The following SCFD1 variants were observed in gnomAD, a reference collection of about 807,000 sequenced individuals.
The protein encoded by SCFD1 is sec1 family domain-containing protein 1.
In SCFD1, 37 loss-of-function variants were observed where a neutral mutation model predicts 103.2. The observed-to-expected ratio is 0.36, with a 90% CI of 0.28 to 0.47. The LOEUF is 0.47. Ranked by LOEUF, SCFD1 falls within the 20% of genes least tolerant of loss-of-function variation. SCFD1 has a pLI of 1.00. For missense variants in SCFD1, 639 were observed against 761.2 expected (o/e 0.84, Z 1.89); for synonymous variants, 264 against 245.0 (o/e 1.08, Z -0.73).
rs532896178 is a variant in SCFD1, at chr14:30,721,697, GCTT to G, written c.1737-183_1737-181del. 17 of 567,484 alleles carry G rather than the reference GCTT, an allele frequency of 3.0e-5. No individual in the cohort carries two copies. In the African/African-American group the frequency reaches 3.4e-4, roughly 11 times the overall value. The allele number at this position is 567,484 out of a possible 1,614,324, so 35.2% of individuals were successfully genotyped here. ...TCTGAGATATCTCCCTTTTCTAGCT[GCTT>G]CTTAATGAAACCCAGTTCACTACCT... On this transcript the variant is annotated intron_variant, in intron 21 of 24. Transcript: ENST00000458591.
intron 16 of SCFD1, among the ~76,000 whole-genome samples, chr14:30,701,089 G>T (rs1566643161): frequency 6.6e-6 from 1 of 152,148 alleles, no homozygotes; most frequent in Non-Finnish European, 1.5e-5. Flanking sequence ...TTTAGAATGT[G>T]GCTGTTCTAA....
chr14:30,666,359 A>G (rs1887969142), intron 10 of SCFD1, among the ~76,000 whole-genome samples: 1 of 152,238 alleles, frequency 6.6e-6, no homozygotes, highest in South Asian at 2.1e-4. Flanking sequence ...CAATGAGAAC[A>G]AAGACACAAC....
At chr14:30,635,024 A>T (rs1884579633) in intron 4 of SCFD1, 1 of 454,260 alleles carries the variant, frequency 2.2e-6, no homozygotes, top group Non-Finnish European at 4.4e-6. Context: ...AGAAAAGTAG[A>T]TATTGGATAG....
intron 10 of SCFD1, among the ~76,000 whole-genome samples, chr14:30,662,502 T>G (rs1283066984): frequency 1.3e-5 from 2 of 151,136 alleles, no homozygotes; most frequent in African/African-American, 4.9e-5. Context: ...GTATTTTATT[T>G]CTCTTGTTGG....
intron 23 of SCFD1, among the ~76,000 whole-genome samples, chr14:30,730,791 T>G (rs1239928212): frequency 4.6e-5 from 7 of 152,356 alleles, no homozygotes; most frequent in South Asian, 2.1e-4. Context: ...TTTCTCCCAT[T>G]CTTTAGGTTG....
At chr14:30,716,663 G>A (rs764704611) in intron 20 of SCFD1, among the ~76,000 whole-genome samples, 6 of 152,216 alleles carry the variant, frequency 3.9e-5, no homozygotes, top group Non-Finnish European at 8.8e-5. Context: ...ACCCTGGTTT[G>A]AGTTTATCTA....
At chr14:30,716,955 C>T (rs933058911) in intron 20 of SCFD1, among the ~76,000 whole-genome samples, 2 of 152,068 alleles carry the variant, frequency 1.3e-5, no homozygotes, top group Non-Finnish European at 2.9e-5. Flanking sequence ...AAGTGGTATA[C>T]AATGAAGTAA....
rs1033923988 is a variant in SCFD1, at chr14:30,692,782, T to G, written c.1243-1991T>G. ...TCCCCTTCCATTCCTGACTTCACTCTGCAGATAACAGCTTTTCCCAAGCTA... is the reference window on the plus strand; with the variant it reads ...TCCCCTTCCATTCCTGACTTCACTCGGCAGATAACAGCTTTTCCCAAGCTA... On this transcript the variant is annotated intron_variant, in intron 14 of 24. Transcript: ENST00000458591. Among the ~76,000 whole-genome samples, 3 of 152,222 alleles carry G rather than the reference T, an allele frequency of 2.0e-5. No homozygotes were observed. The South Asian group carries it at 6.2e-4, about 31-fold the overall frequency.
At chr14:30,622,522 G>GCC in intron 1 of SCFD1, 123 bp downstream of exon 1, 2 of 1,415,038 alleles carry the variant, frequency 1.4e-6, no homozygotes, top group Non-Finnish European at 1.9e-6. Flanking sequence ...AACATCAAGA[G>GCC]CCCCTCCCCT....
chr14:30,702,401 C>T (rs377004442), intron 17 of SCFD1, 26 bp downstream of exon 17: 169 of 1,407,422 alleles, frequency 1.2e-4, no homozygotes, highest in Non-Finnish European at 1.5e-4. Context: ...TTCTTTAATT[C>T]CTGTCATTTA....
chr14:30,704,087 CAA>C (rs1461829260), intron 17 of SCFD1, among the ~76,000 whole-genome samples: 1 of 151,462 alleles, frequency 6.6e-6, no homozygotes. Flanking sequence ...TGCAACCTGA[CAA>C]GAGGTCAGTG....
intron 5 of SCFD1, 50 bp downstream of exon 5, chr14:30,638,297 A>G (rs1328846968): frequency 6.2e-7 from 1 of 1,610,404 alleles, no homozygotes; most frequent in East Asian, 2.2e-5. Context: ...AAAATTTAAC[A>G]CTGTTCTGAA....
chr14:30,720,816 A>G (rs893486794), intron 21 of SCFD1, among the ~76,000 whole-genome samples: 11 of 152,296 alleles, frequency 7.2e-5, no homozygotes, highest in South Asian at 2.1e-4. Flanking sequence ...TTTGGTGTCT[A>G]TGGAGGTTCC....
chr14:30,733,203 T>C (rs1893604983), intron 23 of SCFD1, among the ~76,000 whole-genome samples: 1 of 151,930 alleles, frequency 6.6e-6, no homozygotes, highest in Non-Finnish European at 1.5e-5. Flanking sequence ...AGAGATGGGG[T>C]TTCACCATGC....
At chr14:30,718,690 A>T (rs1566659433) in intron 20 of SCFD1, among the ~76,000 whole-genome samples, 2 of 152,240 alleles carry the variant, frequency 1.3e-5, no homozygotes, top group Non-Finnish European at 2.9e-5. Context: ...CATTTATTAA[A>T]TGTTTTCCTT....
At chr14:30,724,245 GTTTTTTT>G (rs58612669) in intron 23 of SCFD1, among the ~76,000 whole-genome samples, 31 of 69,676 alleles carry the variant, frequency 4.4e-4, no homozygotes, top group African/African-American at 1.9e-3. Context: ...TTTTTTATGG[GTTTTTTT>G]TTTTTTTTTT....
At chr14:30,681,861 G>C (rs1354843449) in intron 14 of SCFD1, among the ~76,000 whole-genome samples, 7 of 152,092 alleles carry the variant, frequency 4.6e-5, no homozygotes, top group Non-Finnish European at 1.0e-4. Context: ...GTTTCGTATA[G>C]CAACTTTCAT....
chr14:30,713,399 C>A (rs1475412228), intron 19 of SCFD1, among the ~76,000 whole-genome samples: 3 of 140,094 alleles, frequency 2.1e-5, no homozygotes, highest in Non-Finnish European at 4.4e-5. Context: ...CTCTGAAAAA[C>A]CAGACAAAAA....
intron 14 of SCFD1, among the ~76,000 whole-genome samples, chr14:30,680,438 C>G (rs1889382814): frequency 6.6e-6 from 1 of 152,106 alleles, no homozygotes; most frequent in Admixed American, 6.5e-5. Flanking sequence ...TACAGAGGAG[C>G]TGAATCTCAG....
Sources: gnomAD v4.1 joint callset for allele counts (sites outside exome capture counted in the v4.1 genomes callset) on GRCh38, gnomAD v4.1.1 for gene constraint, MANE v1.5 for transcripts, NCBI Gene and HGNC (gene_info 2026-07-23, HGNC 2026-07-21) for gene names.